NRXN1: variants seen among roughly 807,000 people sequenced by gnomAD.
The protein encoded by NRXN1 is neurexin 1.
A neutral mutation model predicts 150.9 loss-of-function variants in NRXN1; 39 were observed. The ratio of observed to expected loss-of-function variants is 0.26; its 90% CI spans 0.20 to 0.34. The LOEUF (loss-of-function observed/expected upper bound fraction) is 0.34. Among genes scored for constraint, NRXN1 ranks in the 10% least tolerant of loss-of-function variants. NRXN1 has a pLI of 1.00. For missense variants in NRXN1, 1,815 were observed against 1,949.9 expected (o/e 0.93, Z 1.30); for synonymous variants, 924 against 757.0 (o/e 1.22, Z -3.62).
chr2:50,097,459 A>G (rs1196619721), intron 18 of NRXN1, among the ~76,000 whole-genome samples: 1 of 152,100 alleles, frequency 6.6e-6, no homozygotes, highest in African/African-American at 2.4e-5. Context: ...GGGTGAATGG[A>G]ATGTTTTGCT....
intron 17 of NRXN1, among the ~76,000 whole-genome samples, chr2:50,375,820 G>C (rs2080447249): frequency 6.6e-6 from 1 of 151,778 alleles, no homozygotes; most frequent in Admixed American, 6.6e-5. Context: ...CAAGAGGAAA[G>C]GTTGATCTAA....
At chr2:50,181,706 A>C (rs977589094) in intron 18 of NRXN1, among the ~76,000 whole-genome samples, 10 of 152,030 alleles carry the variant, frequency 6.6e-5, no homozygotes, top group Non-Finnish European at 1.5e-4. Flanking sequence ...TTTTTTGTTT[A>C]CTTGAATGAG....
intron 5 of NRXN1, among the ~76,000 whole-genome samples, chr2:50,896,667 C>T (rs968627457): frequency 3.3e-5 from 5 of 151,838 alleles, no homozygotes; most frequent in African/African-American, 7.3e-5. Flanking sequence ...GCCAACATGG[C>T]GAAACGCTGT....
rs927888336 is a variant in NRXN1, at chr2:50,448,694, A to C, written c.3364+16748T>G. Among the ~76,000 whole-genome samples, 5 of 152,164 alleles carry C rather than the reference A, an allele frequency of 3.3e-5. No individual in the cohort carries two copies. In the East Asian group the frequency reaches 7.7e-4, roughly 23 times the overall value. On this transcript the variant is annotated intron_variant, in intron 17 of 22. Coordinates refer to ENST00000401669, the MANE Select transcript of NRXN1 (RefSeq NM_001330078.2). The stretch of plus-strand genomic sequence containing the variant: ...GATACTTATGTGCAGTGATACACTA[A>C]AAAGCATATGCAACAATTCACTAAA...
chr2:50,291,625 C>G (rs1369257281), intron 17 of NRXN1, among the ~76,000 whole-genome samples: 1 of 152,124 alleles, frequency 6.6e-6, no homozygotes, highest in South Asian at 2.1e-4. Context: ...AAGCCCGAAG[C>G]CTGCCGAATT....
intron 17 of NRXN1, among the ~76,000 whole-genome samples, chr2:50,237,790 T>C (rs1297065171): frequency 2.6e-5 from 4 of 152,010 alleles, no homozygotes; most frequent in African/African-American, 9.7e-5. Context: ...ATGGTTTGGC[T>C]CTGTGTCCCC....
intron 17 of NRXN1, among the ~76,000 whole-genome samples, chr2:50,462,282 A>C (rs964249934): frequency 1.3e-5 from 2 of 151,842 alleles, no homozygotes; most frequent in Non-Finnish European, 2.9e-5. Context: ...TATAAGGAAA[A>C]AGTGATGGCA....
chr2:50,448,040 G>A (rs1293424459), intron 17 of NRXN1, among the ~76,000 whole-genome samples: 1 of 151,808 alleles, frequency 6.6e-6, no homozygotes, highest in Non-Finnish European at 1.5e-5. Flanking sequence ...TTTAGTCAGT[G>A]AAAGTAATAA....
At chr2:50,115,217 G>GTATGTA (rs1553626154) in intron 18 of NRXN1, among the ~76,000 whole-genome samples, 18 of 134,914 alleles carry the variant, frequency 1.3e-4, no homozygotes, top group African/African-American at 4.9e-4. Context: ...TATGTTATGT[G>GTATGTA]TATATATATA....
intron 21 of NRXN1, among the ~76,000 whole-genome samples, chr2:49,999,273 A>C (rs1391285383): frequency 2.0e-5 from 3 of 152,162 alleles, no homozygotes; most frequent in Admixed American, 6.5e-5. Flanking sequence ...TTAGAATATG[A>C]ATTTTAAATA....
intron 15 of NRXN1, among the ~76,000 whole-genome samples, chr2:50,474,748 G>A (rs1005528739): frequency 6.8e-6 from 1 of 146,628 alleles, no homozygotes; most frequent in Non-Finnish European, 1.5e-5. Context: ...TGAAGATGCT[G>A]GGTAGCACCT....
chr2:50,589,741 T>C (rs7579807), intron 8 of NRXN1, among the ~76,000 whole-genome samples: 105,912 of 124,954 alleles, frequency 0.85, 46,252 homozygotes, highest in Non-Finnish European at 0.94. Context: ...CCAACTGTTA[T>C]AGCCAGACAC....
Position 50,002,062 on chromosome 2 carries a change from C to T in NRXN1, c.4128+51209G>A, listed in dbSNP as rs541926216. 3.3e-5 allele frequency among the ~76,000 whole-genome samples: 5 copies of T among 151,996 alleles called. No homozygotes were observed. In the East Asian group the frequency reaches 9.8e-4, roughly 30 times the overall value. ...TAAGTTTTATCAACAACCATGCAAG[C>T]TTGCAAGAGGGCCCTGAGCTCTAGA... On this transcript the variant is annotated intron_variant, in intron 21 of 22. Transcript: ENST00000401669.
At chr2:50,005,327 C>T (rs2351149) in intron 21 of NRXN1, among the ~76,000 whole-genome samples, 127,384 of 152,146 alleles carry the variant, frequency 0.84, 53,402 homozygotes, top group Middle Eastern at 0.89. Flanking sequence ...TTTAAAGAAG[C>T]GATATAGACT....
chr2:49,995,481 C>T (rs532519661), intron 21 of NRXN1, among the ~76,000 whole-genome samples: 28 of 152,006 alleles, frequency 1.8e-4, no homozygotes, highest in Admixed American at 1.8e-3. Flanking sequence ...CATCAGTAGA[C>T]CTTAAAGATA....
intron 2 of NRXN1, among the ~76,000 whole-genome samples, chr2:50,939,847 A>G (rs1332972950): frequency 3.3e-5 from 5 of 152,172 alleles, no homozygotes; most frequent in Non-Finnish European, 7.4e-5. Flanking sequence ...GCGGATGTAC[A>G]TTTAGAAAAT....
At chr2:50,183,378 C>T (rs918853461) in intron 18 of NRXN1, among the ~76,000 whole-genome samples, 2 of 151,888 alleles carry the variant, frequency 1.3e-5, no homozygotes, top group Non-Finnish European at 2.9e-5. Context: ...AACTTGAAAT[C>T]TTCCCTTGCC....
chr2:50,092,805 C>T (rs942387121), intron 18 of NRXN1, among the ~76,000 whole-genome samples: 2 of 151,964 alleles, frequency 1.3e-5, no homozygotes, highest in African/African-American at 4.8e-5. Context: ...GGTTTTCTTC[C>T]CCCTGGGTTC....
chr2:50,802,586 AAG>A (rs199858744), intron 5 of NRXN1, among the ~76,000 whole-genome samples: 12 of 148,768 alleles, frequency 8.1e-5, no homozygotes, highest in Non-Finnish European at 1.5e-4. Context: ...GACAGAGAGA[AAG>A]AGAGAGAGAA....
Sources: allele counts gnomAD v4.1 joint callset (sites outside exome capture counted in the v4.1 genomes callset), GRCh38; gene constraint gnomAD v4.1.1; transcripts MANE v1.5; gene names NCBI Gene and HGNC (gene_info 2026-07-23, HGNC 2026-07-21).